Variants in MYO16 observed in about 807,000 individuals in gnomAD.
MYO16 encodes unconventional myosin-XVI.
Under a neutral mutation model 205.3 loss-of-function variants are expected in MYO16, and 94 were observed. That is an observed-to-expected ratio of 0.46 (90% CI 0.39 to 0.54). The LOEUF (loss-of-function observed/expected upper bound fraction) is 0.54. Among genes scored for constraint, MYO16 ranks in the 20% least tolerant of loss-of-function variants. The pLI, the probability that MYO16 is intolerant of heterozygous loss-of-function variation, is 0.00. For synonymous variants in MYO16, 988 were observed against 954.0 expected (o/e 1.04, Z -0.66); for missense variants, 2,315 against 2,387.5 (o/e 0.97, Z 0.63).
At chr13:108,750,412 G>A (rs1331882589) in intron 4 of MYO16, among the ~76,000 whole-genome samples, 7 of 152,168 alleles carry the variant, frequency 4.6e-5, no homozygotes, top group Admixed American at 4.6e-4. Flanking sequence ...TAAGGCTAAA[G>A]CCAAACATCT....
At chr13:109,084,216 T>A (rs1324524346) in intron 27 of MYO16, among the ~76,000 whole-genome samples, 1 of 152,208 alleles carries the variant, frequency 6.6e-6, no homozygotes, top group Non-Finnish European at 1.5e-5. Flanking sequence ...AACGATTAGA[T>A]AACAATCATG....
chr13:108,556,236 T>C, the MYO16 span, among the ~76,000 whole-genome samples: 15 of 151,968 alleles, frequency 9.9e-5, no homozygotes, highest in African/African-American at 3.6e-4. Context: ...CAATAATGGG[T>C]GTACTAATTT....
At chr13:108,802,139 A>AT (rs1387555739) in intron 6 of MYO16, among the ~76,000 whole-genome samples, 2 of 152,180 alleles carry the variant, frequency 1.3e-5, no homozygotes, top group South Asian at 2.1e-4. Flanking sequence ...TGTATAATAC[A>AT]TTTTTTGTTG....
intron 33 of MYO16, chr13:109,167,377 G>A (rs1878722121): frequency 1.3e-5 from 1 of 74,412 alleles, no homozygotes; most frequent in Non-Finnish European, 4.4e-5. Flanking sequence ...TTGTGTTGAG[G>A]TTAAAAAAAA....
chr13:109,036,692 C>A (rs1415060896), intron 23 of MYO16, among the ~76,000 whole-genome samples: 1 of 152,138 alleles, frequency 6.6e-6, no homozygotes, highest in Non-Finnish European at 1.5e-5. Flanking sequence ...CCTTAAAGAT[C>A]CATATTGAGT....
chr13:108,498,803 T>G, the MYO16 span, among the ~76,000 whole-genome samples: 4 of 152,194 alleles, frequency 2.6e-5, no homozygotes, highest in Admixed American at 6.5e-5. Flanking sequence ...CAACACCTTA[T>G]CTGTCCCAAA....
At chr13:108,851,007 T>C (rs2139089421) in intron 10 of MYO16, among the ~76,000 whole-genome samples, 1 of 152,356 alleles carries the variant, frequency 6.6e-6, no homozygotes, top group African/African-American at 2.4e-5. Context: ...TTCATGTTTT[T>C]GCTAAATGTG....
chr13:108,864,713 A>G (rs1218961103), intron 11 of MYO16, among the ~76,000 whole-genome samples: 3 of 151,924 alleles, frequency 2.0e-5, no homozygotes, highest in Non-Finnish European at 4.4e-5. Flanking sequence ...AAAAAATTGT[A>G]GAGATAGCAT....
intron 4 of MYO16, among the ~76,000 whole-genome samples, chr13:108,759,647 C>T (rs182882995): frequency 3.3e-5 from 5 of 152,036 alleles, no homozygotes; most frequent in Non-Finnish European, 5.9e-5. Context: ...CGGTGAAACC[C>T]CGTCTCTACT....
Position 109,140,162 on chromosome 13 carries a change from T to C in MYO16, c.4052-102T>C. 1 of 1,511,238 alleles carries C rather than the reference T, an allele frequency of 6.6e-7. No homozygotes were observed. The highest frequency in any genetic ancestry group is 8.8e-7 in the Non-Finnish European group (1 of 1,141,466). The allele number at this position is 1,511,238 out of a possible 1,614,324, so 93.6% of individuals were successfully genotyped here. A position where few individuals can be genotyped will look rare whatever the true frequency, so the allele number is the denominator to read the frequency against. Reference sequence around the variant, plus strand: ...ATGCAGGCCCGGTCCCTTGGGATTCTCGGGGCACGGGGCCGTGGCTCCCTC... The same window carrying C: ...ATGCAGGCCCGGTCCCTTGGGATTCCCGGGGCACGGGGCCGTGGCTCCCTC... On this transcript the variant is annotated intron_variant, in intron 31 of 34. Coordinates refer to ENST00000457511, the MANE Select transcript of MYO16 (RefSeq NM_001198950.3). This position sits in a 1 kb window ranked among gnomAD's most constrained non-coding sequence, Gnocchi z 8.0.
intron 9 of MYO16, among the ~76,000 whole-genome samples, chr13:108,829,522 CTTTGG>C (rs1566356011): frequency 6.6e-6 from 1 of 152,096 alleles, no homozygotes; most frequent in African/African-American, 2.4e-5. Context: ...AAAAAACCAG[CTTTGG>C]TTGGGTGAAT....
At chr13:108,735,182 A>G (rs966450361) in intron 4 of MYO16, among the ~76,000 whole-genome samples, 23 of 152,114 alleles carry the variant, frequency 1.5e-4, no homozygotes, top group Non-Finnish European at 2.6e-4. Flanking sequence ...TTACATATGT[A>G]TACATGTGAC....
chr13:109,138,237 G>T (rs1876871081), intron 31 of MYO16, among the ~76,000 whole-genome samples: 2 of 152,166 alleles, frequency 1.3e-5, no homozygotes, highest in Admixed American at 1.3e-4. Flanking sequence ...GAATACAGCT[G>T]CCTCAGTTAA....
At chr13:108,755,823 T>G (rs9587670) in intron 4 of MYO16, among the ~76,000 whole-genome samples, 31,844 of 152,096 alleles carry the variant, frequency 0.21, 3,671 homozygotes, top group African/African-American at 0.29. Context: ...CAGTGAACTC[T>G]AGATGTTCTT....
chr13:108,901,419 T>C (rs1434630770), intron 15 of MYO16, among the ~76,000 whole-genome samples: 5 of 152,148 alleles, frequency 3.3e-5, no homozygotes, highest in Non-Finnish European at 7.3e-5. Context: ...CCTTTATTTC[T>C]CAGACCGGCC....
chr13:109,086,666 G>A (rs1291974559), intron 27 of MYO16, among the ~76,000 whole-genome samples: 2 of 152,058 alleles, frequency 1.3e-5, no homozygotes, highest in African/African-American at 2.4e-5. Context: ...AATAGTGAAA[G>A]TAAGTCATCA....
intron 1 of MYO16, among the ~76,000 whole-genome samples, chr13:108,598,614 T>C (rs952201913): frequency 4.6e-5 from 7 of 152,180 alleles, no homozygotes; most frequent in Non-Finnish European, 8.8e-5. Flanking sequence ...TGCTACTTCA[T>C]AGAAAAAATT....
At chr13:109,023,389 A>C (rs1363045876) in intron 23 of MYO16, among the ~76,000 whole-genome samples, 46 of 77,208 alleles carry the variant, frequency 6.0e-4, no homozygotes, top group African/African-American at 2.3e-3. Flanking sequence ...TTATACAGAT[A>C]TAAATATATA....
intron 11 of MYO16, among the ~76,000 whole-genome samples, chr13:108,858,279 A>G (rs1878291501): frequency 1.3e-5 from 2 of 152,184 alleles, no homozygotes; most frequent in Non-Finnish European, 2.9e-5. Flanking sequence ...AATTCTTTTT[A>G]TTATGTTTTA....
Sources: gnomAD v4.1 joint callset for allele counts (sites outside exome capture counted in the v4.1 genomes callset) on GRCh38, gnomAD v4.1.1 for gene constraint, Gnocchi (gnomAD v3.1) non-coding constraint, MANE v1.5 for transcripts, NCBI Gene and HGNC (gene_info 2026-07-23, HGNC 2026-07-21) for gene names.